The following SEMA3D variants were observed in gnomAD, a reference collection of about 807,000 sequenced individuals.
SEMA3D encodes the protein semaphorin-3D.
SEMA3D carries 84 observed loss-of-function variants against 100.1 expected under a neutral mutation model. That is an observed-to-expected ratio of 0.84 (90% CI 0.70 to 1.01). SEMA3D has a LOEUF of 1.01. Among genes scored for constraint, SEMA3D ranks in the 50% least tolerant of loss-of-function variants. The probability of loss-of-function intolerance (pLI) is 0.00; values close to 1 mark genes in which losing one functional copy is unlikely to be tolerated. For synonymous variants in SEMA3D, 312 were observed against 320.7 expected (o/e 0.97, Z 0.29); for missense variants, 875 against 934.1 (o/e 0.94, Z 0.82).
chr7:85,201,571 C>T, the SEMA3D span, among the ~76,000 whole-genome samples: 1 of 152,048 alleles, frequency 6.6e-6, no homozygotes, highest in Non-Finnish European at 1.5e-5. Flanking sequence ...ACTAGTTAAG[C>T]TCTAGATCTC....
intron 4 of SEMA3D, among the ~76,000 whole-genome samples, chr7:85,089,867 G>T (rs1788333254): frequency 6.6e-6 from 1 of 151,994 alleles, no homozygotes; most frequent in African/African-American, 2.4e-5. Flanking sequence ...GTCCAGCCTG[G>T]GTGACAGGAG....
intron 2 of SEMA3D, chr7:85,142,312 TCA>T (rs1280792448): frequency 1.0e-6 from 1 of 976,734 alleles, no homozygotes; most frequent in African/African-American, 1.8e-5. Flanking sequence ...ATCTACACCC[TCA>T]GTGTCAGCCA....
intron 1 of SEMA3D, among the ~76,000 whole-genome samples, chr7:85,182,005 C>G (rs1451523919): frequency 6.6e-6 from 1 of 152,110 alleles, no homozygotes; most frequent in African/African-American, 2.4e-5. Context: ...CTTAATATCA[C>G]TCAAGTTTCA....
the SEMA3D span, among the ~76,000 whole-genome samples, chr7:85,206,762 AGAG>A: frequency 6.6e-6 from 1 of 152,012 alleles, no homozygotes; most frequent in Non-Finnish European, 1.5e-5. Context: ...ATGGGCCTGG[AGAG>A]GAGGAGGAAA....
intron 8 of SEMA3D, among the ~76,000 whole-genome samples, chr7:85,057,220 G>T (rs1172521736): frequency 6.6e-6 from 1 of 152,028 alleles, no homozygotes; most frequent in Non-Finnish European, 1.5e-5. Context: ...CTAAAACCTT[G>T]TTTAAGAGGT....
chr7:85,027,938 CA>C, intron 12 of SEMA3D: 1 of 589,860 alleles, frequency 1.7e-6, no homozygotes, highest in South Asian at 1.4e-5. Context: ...GAAACCGAAC[CA>C]TGCCAAACTA....
intron 9 of SEMA3D, among the ~76,000 whole-genome samples, chr7:85,049,628 T>C (rs1305258574): frequency 4.0e-5 from 6 of 151,868 alleles, no homozygotes; most frequent in African/African-American, 9.7e-5. Context: ...ATCTCTCATT[T>C]AGGTTGTAAG....
the SEMA3D span, among the ~76,000 whole-genome samples, chr7:85,230,377 GC>G: frequency 6.6e-6 from 1 of 152,110 alleles, no homozygotes; most frequent in Non-Finnish European, 1.5e-5. Context: ...TTGATTTTGA[GC>G]TGCACTTTGG....
At chr7:85,242,155 T>C in the SEMA3D span, among the ~76,000 whole-genome samples, 2 of 152,200 alleles carry the variant, frequency 1.3e-5, no homozygotes, top group African/African-American at 4.8e-5. Context: ...ATTTTCTGTA[T>C]TGATTCCTTG....
the SEMA3D span, among the ~76,000 whole-genome samples, chr7:85,219,014 ACT>A: frequency 1.5e-4 from 23 of 151,552 alleles, no homozygotes; most frequent in Non-Finnish European, 2.8e-4. Context: ...TATTTTGAAA[ACT>A]CTCCCCTTTG....
At chr7:85,199,848 C>T in the SEMA3D span, among the ~76,000 whole-genome samples, 2 of 152,114 alleles carry the variant, frequency 1.3e-5, no homozygotes, top group African/African-American at 4.8e-5. Flanking sequence ...TCCCATGTGT[C>T]ATGGTAGGAA....
intron 9 of SEMA3D, among the ~76,000 whole-genome samples, chr7:85,052,214 A>G (rs1333868785): frequency 1.3e-5 from 2 of 151,912 alleles, no homozygotes; most frequent in Non-Finnish European, 2.9e-5. Context: ...AGTCACAAAT[A>G]TTTCTCGATC....
At chr7:85,192,214 ATGGGTTTAG>A in the SEMA3D span, among the ~76,000 whole-genome samples, 2 of 152,118 alleles carry the variant, frequency 1.3e-5, no homozygotes, top group East Asian at 3.8e-4. Flanking sequence ...AAAAATGAAA[ATGGGTTTAG>A]TGGGGAACAG....
In SEMA3D at chr7:85,073,429, T is replaced by C. The variant is rs116052555; in HGVS notation, c.376-348A>G. Among the ~76,000 whole-genome samples the C allele has an allele frequency of 7.9e-3, 1,203 of 152,198 alleles. 25 individuals are homozygous for C. The highest frequency in any genetic ancestry group is 0.028 in the African/African-American group (1,160 of 41,524). ...CATATTTAAAATTTTCTCTTTTTTT[T>C]TTTAGAGATGACACCTCTCTATGTT... On this transcript the variant is annotated intron_variant, in intron 5 of 18. Coordinates refer to ENST00000284136, the MANE Select transcript of SEMA3D (RefSeq NM_001384900.1).
intron 14 of SEMA3D, among the ~76,000 whole-genome samples, chr7:85,019,793 C>T (rs909153604): frequency 2.6e-5 from 4 of 151,562 alleles, no homozygotes; most frequent in Non-Finnish European, 5.9e-5. Context: ...TGAAGACTTA[C>T]TATGATGCAA....
chr7:85,066,785 C>T (rs1046110794), intron 7 of SEMA3D, among the ~76,000 whole-genome samples: 6 of 151,916 alleles, frequency 3.9e-5, no homozygotes, highest in Non-Finnish European at 8.8e-5. Flanking sequence ...GATTAAGATA[C>T]TTTCTGTAGT....
At chr7:85,043,800 A>G (rs1407214082) in intron 9 of SEMA3D, among the ~76,000 whole-genome samples, 1 of 152,082 alleles carries the variant, frequency 6.6e-6, no homozygotes, top group Non-Finnish European at 1.5e-5. Flanking sequence ...GTAAGATGTG[A>G]CTTGCTCCTC....
At chr7:85,161,056 C>T (rs750097123) in intron 1 of SEMA3D, among the ~76,000 whole-genome samples, 26 of 152,090 alleles carry the variant, frequency 1.7e-4, no homozygotes, top group Non-Finnish European at 3.4e-4. Context: ...AACTTGACCA[C>T]ACAGAGGGTG....
the SEMA3D span, among the ~76,000 whole-genome samples, chr7:85,235,702 A>C: frequency 6.6e-6 from 1 of 152,210 alleles, no homozygotes; most frequent in Non-Finnish European, 1.5e-5. Context: ...TTTAAGCATA[A>C]GTGAAGGAAT....
Sources: gnomAD v4.1 joint callset for allele counts (sites outside exome capture counted in the v4.1 genomes callset) on GRCh38, gnomAD v4.1.1 for gene constraint, MANE v1.5 for transcripts, NCBI Gene and HGNC (gene_info 2026-07-23, HGNC 2026-07-21) for gene names.